The following FNDC3B variants were observed in gnomAD, a reference collection of about 807,000 sequenced individuals.
FNDC3B encodes the protein fibronectin type III domain-containing protein 3B.
FNDC3B carries 12 observed loss-of-function variants against 151.5 expected under a neutral mutation model. The ratio of observed to expected loss-of-function variants is 0.08; its 90% CI spans 0.05 to 0.13. The LOEUF (loss-of-function observed/expected upper bound fraction) is 0.13, where lower values mean the gene tolerates loss of function less well. Ranked by LOEUF, FNDC3B falls within the 10% of genes least tolerant of loss-of-function variation. The pLI is 1.00. For missense variants in FNDC3B, 1,214 were observed against 1,505.3 expected (o/e 0.81, Z 3.20); for synonymous variants, 528 against 549.0 (o/e 0.96, Z 0.54).
Position 172,207,080 on chromosome 3 carries a change from A to T in FNDC3B, c.188-19791A>T, listed in dbSNP as rs190215752. Among the ~76,000 whole-genome samples the T allele has an allele frequency of 6.1e-3, 768 of 125,072 alleles. 5 individuals are homozygous for T. The highest frequency in any genetic ancestry group is 8.8e-3 in the Middle Eastern group (2 of 226). 82.1% of individuals were successfully genotyped at this position (125,072 alleles called of 152,430 possible). On this transcript the variant is annotated intron_variant, in intron 3 of 25. Coordinates refer to ENST00000415807, the MANE Select transcript of FNDC3B (RefSeq NM_022763.4). ...AGCTCATCACAGAAGAGGCAATTTC[A>T]CACCCAGAGAATTGGTAGTCCCAAC...
At chr3:172,258,944 T>G (rs2108786480) in intron 6 of FNDC3B, among the ~76,000 whole-genome samples, 1 of 152,304 alleles carries the variant, frequency 6.6e-6, no homozygotes, top group African/African-American at 2.4e-5. Context: ...ACGAGGTGTT[T>G]TGGAAGGCTG....
chr3:172,072,739 G>GCAAGT (rs1241307072), intron 1 of FNDC3B, among the ~76,000 whole-genome samples: 1 of 152,162 alleles, frequency 6.6e-6, no homozygotes, highest in Admixed American at 6.5e-5. Flanking sequence ...CCATTAAGAA[G>GCAAGT]CAAGTGTTTA....
intron 6 of FNDC3B, among the ~76,000 whole-genome samples, chr3:172,255,674 T>C (rs1728299413): frequency 6.6e-6 from 1 of 152,196 alleles, no homozygotes; most frequent in African/African-American, 2.4e-5. Flanking sequence ...AGTGTTGGGA[T>C]TACAGGCGTG....
rs1329988719 is a variant in FNDC3B, at chr3:172,307,463, G to T, written c.1162G>T (p.Ala388Ser). Residue 388 changes from alanine to serine, a missense_variant, in exon 10 of 26, where the codon GCA becomes TCA. This residue lies in a region of FNDC3B where 156 missense variants were observed against 225.3 expected (regional missense o/e 0.69). Transcript: ENST00000415807. The part of the protein sequence containing the change: ...APECPFPPKL[A>S]HRSKSSLTLQ... ...CGAGTGTCCTTTCCCCCCTAAGCTG[G>T]CACATAGGAGCAAAAGTTCACTAAC... 6.2e-7 allele frequency: 1 copy of T among 1,614,006 alleles called. No individual in the cohort carries two copies. Among genetic ancestry groups the T allele is most frequent in the East Asian group, 2.2e-5 (1 of 44,886 alleles).
intron 4 of FNDC3B, among the ~76,000 whole-genome samples, chr3:172,244,028 TG>T (rs920632808): frequency 3.9e-5 from 6 of 152,230 alleles, no homozygotes; most frequent in African/African-American, 1.4e-4. Context: ...TTCTGATTTC[TG>T]AAATCACCAC....
chr3:172,390,898 G>A (rs1394337920), intron 25 of FNDC3B, among the ~76,000 whole-genome samples: 1 of 152,174 alleles, frequency 6.6e-6, no homozygotes, highest in Non-Finnish European at 1.5e-5. Flanking sequence ...AGGAGCCGTG[G>A]TGGGATGATT....
intron 4 of FNDC3B, among the ~76,000 whole-genome samples, chr3:172,232,990 A>G (rs972803470): frequency 6.6e-6 from 1 of 152,238 alleles, no homozygotes; most frequent in African/African-American, 2.4e-5. Flanking sequence ...CCTCCTAAAT[A>G]CATATTGAAA....
At chr3:172,229,631 A>G (rs1048237788) in intron 4 of FNDC3B, among the ~76,000 whole-genome samples, 3 of 152,240 alleles carry the variant, frequency 2.0e-5, no homozygotes, top group Middle Eastern at 3.4e-3. Flanking sequence ...ATCACCAAGA[A>G]CTCATATTGC....
intron 25 of FNDC3B, among the ~76,000 whole-genome samples, chr3:172,383,160 A>G (rs1435341521): frequency 1.3e-5 from 2 of 152,190 alleles, no homozygotes; most frequent in Non-Finnish European, 2.9e-5. Context: ...AGTGGTTTGT[A>G]GTTCTCCCTG....
chr3:172,199,219 G>A (rs1431822580), intron 3 of FNDC3B, among the ~76,000 whole-genome samples: 6 of 145,544 alleles, frequency 4.1e-5, no homozygotes, highest in Admixed American at 6.9e-5. Flanking sequence ...TCTCGCTGTC[G>A]CCCAGGCTGG....
chr3:172,192,386 C>G (rs994539065), intron 3 of FNDC3B, among the ~76,000 whole-genome samples: 1 of 151,834 alleles, frequency 6.6e-6, no homozygotes, highest in East Asian at 1.9e-4. Context: ...AGGGTTTCAC[C>G]GTGTTAGCCA....
chr3:172,148,553 C>G (rs1722041020), intron 3 of FNDC3B: 1 of 152,118 alleles, frequency 6.6e-6, no homozygotes, highest in Non-Finnish European at 1.5e-5. Context: ...AAGAGAGAAG[C>G]CATGAGAGAC....
intron 10 of FNDC3B, 100 bp from the exon 11 acceptor site, chr3:172,310,728 G>A (rs990578860): frequency 4.6e-6 from 4 of 865,752 alleles, no homozygotes; most frequent in African/African-American, 1.7e-5. Flanking sequence ...TGAGGGGAGA[G>A]CACAGGACTA....
At chr3:172,200,748 T>C (rs572074422) in intron 3 of FNDC3B, among the ~76,000 whole-genome samples, 1 of 152,200 alleles carries the variant, frequency 6.6e-6, no homozygotes, top group Non-Finnish European at 1.5e-5. Flanking sequence ...TCTGTAATTG[T>C]TTTTGTCATT....
chr3:172,132,860 G>T (rs777812637), intron 2 of FNDC3B, among the ~76,000 whole-genome samples: 1 of 152,140 alleles, frequency 6.6e-6, no homozygotes, highest in South Asian at 2.1e-4. Flanking sequence ...AGTCTTGGAA[G>T]TTGTCTAATA....
In FNDC3B at chr3:172,122,175, C is replaced by A. The variant is rs539769730; in HGVS notation, c.111+9585C>A. ...CCAAATGATTGATTTAAACATATGA[C>A]TATATAAAATATATGCGTTACACTC... On this transcript the variant is annotated intron_variant, in intron 2 of 25. Coordinates refer to ENST00000415807, the MANE Select transcript of FNDC3B (RefSeq NM_022763.4). Among the ~76,000 whole-genome samples, 10 of 152,296 alleles carry A rather than the reference C, an allele frequency of 6.6e-5. No homozygotes were observed. The East Asian group carries it at 1.7e-3, about 26-fold the overall frequency.
chr3:172,142,702 T>C (rs973984782), intron 3 of FNDC3B, among the ~76,000 whole-genome samples: 19 of 152,244 alleles, frequency 1.2e-4, no homozygotes, highest in Non-Finnish European at 2.9e-5. Flanking sequence ...TCCCAGAGCC[T>C]ATCCTGCATG....
At chr3:172,243,715 G>T (rs531071747) in intron 4 of FNDC3B, among the ~76,000 whole-genome samples, 1 of 152,208 alleles carries the variant, frequency 6.6e-6, no homozygotes, top group African/African-American at 2.4e-5. Context: ...CTTTGTGCAT[G>T]TGTCTTGTAA....
chr3:172,182,867 A>T (rs756162490), intron 3 of FNDC3B, among the ~76,000 whole-genome samples: 1 of 152,252 alleles, frequency 6.6e-6, no homozygotes, highest in East Asian at 1.9e-4. Flanking sequence ...AAAAGGGAGT[A>T]AAAGGAACTC....
Sources: gnomAD v4.1 joint callset for allele counts (sites outside exome capture counted in the v4.1 genomes callset) on GRCh38, gnomAD v4.1.1 for gene constraint, gnomAD v4.1.1 regional missense constraint, MANE v1.5 for transcripts, NCBI Gene and HGNC (gene_info 2026-07-23, HGNC 2026-07-21) for gene names.